Variants in SMYD3 observed in about 807,000 individuals in gnomAD.
The protein encoded by SMYD3 is histone-lysine N-methyltransferase SMYD3.
Under a neutral mutation model 57.7 loss-of-function variants are expected in SMYD3, and 36 were observed. The observed-to-expected ratio is 0.62, with a 90% confidence interval of 0.48 to 0.82. The LOEUF is 0.82. Ranked by LOEUF, SMYD3 falls within the 40% of genes least tolerant of loss-of-function variation. The pLI, the probability that SMYD3 is intolerant of heterozygous loss-of-function variation, is 0.00. For missense variants in SMYD3, 515 were observed against 538.8 expected (o/e 0.96, Z 0.44); for synonymous variants, 211 against 195.0 (o/e 1.08, Z -0.68).
rs1224668123 is a variant in SMYD3 at position 246,188,698 on chromosome 1, T to C, written c.531+138503A>G. On this transcript the variant is annotated intron_variant, in intron 5 of 11. Transcript: ENST00000490107. ...GTCTGGGGCCAGGCGTGGTGGCTCATGCCTGTAATCCCAACACTTTGGGGG... is the reference window on the plus strand; with the variant it reads ...GTCTGGGGCCAGGCGTGGTGGCTCACGCCTGTAATCCCAACACTTTGGGGG... 9.2e-5 allele frequency among the ~76,000 whole-genome samples: 14 copies of C among 152,126 alleles called. No individual in the cohort carries two copies. The South Asian group carries it at 2.3e-3, about 25-fold the overall frequency.
At chr1:246,094,837 T>A (rs1288716349) in intron 5 of SMYD3, among the ~76,000 whole-genome samples, 1 of 152,086 alleles carries the variant, frequency 6.6e-6, no homozygotes, top group Non-Finnish European at 1.5e-5. Flanking sequence ...ACTTTTCATA[T>A]CTAACCTGCA....
At chr1:245,890,860 T>G (rs1344911299) in intron 8 of SMYD3, among the ~76,000 whole-genome samples, 1 of 152,202 alleles carries the variant, frequency 6.6e-6, no homozygotes, top group Non-Finnish European at 1.5e-5. Context: ...ACATGGTACA[T>G]ATACACAATG....
At chr1:245,950,006 T>C (rs1031833061) in intron 5 of SMYD3, among the ~76,000 whole-genome samples, 1 of 151,924 alleles carries the variant, frequency 6.6e-6, no homozygotes, top group Non-Finnish European at 1.5e-5. Flanking sequence ...AATAAAACAA[T>C]TTAAAAATGG....
intron 10 of SMYD3, among the ~76,000 whole-genome samples, chr1:245,857,867 A>G (rs2051331421): frequency 6.6e-6 from 1 of 152,118 alleles, no homozygotes; most frequent in Admixed American, 6.5e-5. Flanking sequence ...GAGTTATAAA[A>G]ACATCTCAGG....
At chr1:246,298,981 G>A (rs1185569762) in intron 5 of SMYD3, among the ~76,000 whole-genome samples, 1 of 152,178 alleles carries the variant, frequency 6.6e-6, no homozygotes, top group East Asian at 1.9e-4. Context: ...AAGGCTGTGA[G>A]TAAGCAAGCA....
At chr1:246,419,570 C>A (rs544773617) in intron 1 of SMYD3, among the ~76,000 whole-genome samples, 1 of 152,118 alleles carries the variant, frequency 6.6e-6, no homozygotes, top group African/African-American at 2.4e-5. Flanking sequence ...GGGGGTAGCG[C>A]CCTAGCCAGG....
At chr1:246,481,422 G>A (rs114479958) in intron 1 of SMYD3, among the ~76,000 whole-genome samples, 1 of 150,952 alleles carries the variant, frequency 6.6e-6, no homozygotes, top group African/African-American at 2.4e-5. Flanking sequence ...AAAGAATGGA[G>A]AAAGGGTGAA....
At chr1:246,412,539 T>A (rs1219600535) in intron 1 of SMYD3, among the ~76,000 whole-genome samples, 3 of 150,546 alleles carry the variant, frequency 2.0e-5, no homozygotes, top group Non-Finnish European at 4.4e-5. Context: ...ACTACCTGAT[T>A]TTTTTTTTTC....
chr1:246,221,395 C>T (rs2063251573), intron 5 of SMYD3, among the ~76,000 whole-genome samples: 1 of 152,204 alleles, frequency 6.6e-6, no homozygotes, highest in South Asian at 2.1e-4. Flanking sequence ...AATGGTGAGG[C>T]TAAAAGAGCT....
intron 9 of SMYD3, among the ~76,000 whole-genome samples, chr1:245,860,085 A>T (rs796484140): frequency 3.7e-4 from 56 of 152,300 alleles, no homozygotes; most frequent in African/African-American, 1.3e-3. Flanking sequence ...CCTCTGTGAC[A>T]TGACCTCTGA....
chr1:246,378,696 AC>A, intron 1 of SMYD3, among the ~76,000 whole-genome samples: 1 of 103,064 alleles, frequency 9.7e-6, no homozygotes, highest in Non-Finnish European at 1.9e-5. Context: ...TACTTAATAA[AC>A]TCCCCTTTAT....
chr1:245,849,703 A>C (rs1217848863), intron 10 of SMYD3, among the ~76,000 whole-genome samples: 3 of 151,972 alleles, frequency 2.0e-5, no homozygotes, highest in Non-Finnish European at 4.4e-5. Context: ...CCCAGGTTAG[A>C]GTGCAACGAC....
At chr1:246,499,018 C>T (rs1466272742) in intron 1 of SMYD3, among the ~76,000 whole-genome samples, 4 of 151,758 alleles carry the variant, frequency 2.6e-5, no homozygotes, top group African/African-American at 9.7e-5. Context: ...TGGTTGTGAG[C>T]TCCTGGCCTC....
chr1:246,338,702 C>T (rs1418746928), intron 2 of SMYD3, among the ~76,000 whole-genome samples: 1 of 152,158 alleles, frequency 6.6e-6, no homozygotes, highest in African/African-American at 2.4e-5. Flanking sequence ...TCAGTGCATG[C>T]ATGACTCAAA....
chr1:246,352,096 C>G (rs2065838669), intron 2 of SMYD3, among the ~76,000 whole-genome samples: 1 of 140,220 alleles, frequency 7.1e-6, no homozygotes, highest in African/African-American at 2.7e-5. Context: ...GAGACGGCAC[C>G]ACTGCACCCC....
intron 5 of SMYD3, among the ~76,000 whole-genome samples, chr1:246,045,789 T>G (rs989218891): frequency 6.6e-6 from 1 of 151,528 alleles, no homozygotes; most frequent in Non-Finnish European, 1.5e-5. Context: ...AAGAAAAAAA[T>G]CAACCCCATC....
chr1:245,906,904 T>C (rs1302708561), intron 8 of SMYD3, among the ~76,000 whole-genome samples: 2 of 152,224 alleles, frequency 1.3e-5, no homozygotes, highest in Non-Finnish European at 2.9e-5. Flanking sequence ...GACAAACATA[T>C]GTTCTTACTT....
chr1:246,230,145 CTT>C lies in SMYD3; in HGVS notation c.531+97054_531+97055del, dbSNP rs1173054465. Among the ~76,000 whole-genome samples the C allele has an allele frequency of 3.3e-5, 5 of 152,320 alleles. No homozygotes were observed. The East Asian group carries it at 5.8e-4, about 18-fold the overall frequency. On this transcript the variant is annotated intron_variant, in intron 5 of 11. Transcript: ENST00000490107. ...TTCACCGAACTTTTAGGAACCATGA[CTT>C]TTCCTAAAGCCATGACCTGGTTTTC... is the stretch of plus-strand genomic sequence containing the variant.
At chr1:246,014,047 A>G (rs2059332177) in intron 5 of SMYD3, among the ~76,000 whole-genome samples, 1 of 152,374 alleles carries the variant, frequency 6.6e-6, no homozygotes, top group Non-Finnish European at 1.5e-5. Context: ...TCTGTCGGCC[A>G]GGCGTGGTGG....
Sources: allele counts gnomAD v4.1 joint callset (sites outside exome capture counted in the v4.1 genomes callset), GRCh38; gene constraint gnomAD v4.1.1; transcripts MANE v1.5; gene names NCBI Gene and HGNC (gene_info 2026-07-23, HGNC 2026-07-21).